Variants in RXFP1 observed in about 807,000 individuals in gnomAD.
The protein encoded by RXFP1 is relaxin family peptide receptor 1.
RXFP1 carries 73 observed loss-of-function variants against 89.8 expected under a neutral mutation model. The observed-to-expected ratio is 0.81, with a 90% CI of 0.67 to 0.99. The LOEUF is 0.99. RXFP1 is among the 50% of genes least tolerant of loss of function. The pLI is 0.00. For missense variants in RXFP1, 793 were observed against 895.5 expected (o/e 0.89, Z 1.46); for synonymous variants, 277 against 305.5 (o/e 0.91, Z 0.97).
intron 11 of RXFP1, 54 bp from the exon 12 acceptor site, chr4:158,633,351 C>A: frequency 1.7e-6 from 2 of 1,154,996 alleles, no homozygotes; most frequent in Non-Finnish European, 2.6e-6. Flanking sequence ...AATTTCAGAA[C>A]AATGAGTAAA....
intron 3 of RXFP1, among the ~76,000 whole-genome samples, chr4:158,595,804 C>T (rs1760448597): frequency 6.6e-6 from 1 of 152,148 alleles, no homozygotes; most frequent in Non-Finnish European, 1.5e-5. Context: ...CAATCTGTCT[C>T]AGCATCATGC....
At chr4:158,639,064 G>A (rs1769825317) in intron 13 of RXFP1, among the ~76,000 whole-genome samples, 196 bp from the exon 14 acceptor site, 1 of 152,058 alleles carries the variant, frequency 6.6e-6, no homozygotes, top group African/African-American at 2.4e-5. Flanking sequence ...AATCAAATAA[G>A]GAAGATAATA....
chr4:158,631,947 GC>G (rs1285163253), intron 11 of RXFP1, among the ~76,000 whole-genome samples: 1 of 152,110 alleles, frequency 6.6e-6, no homozygotes, highest in Non-Finnish European at 1.5e-5. Context: ...ACAAAGATTA[GC>G]TGGGCATGGT....
At chr4:158,634,151 G>A (rs1228945592) in intron 12 of RXFP1, among the ~76,000 whole-genome samples, 1 of 151,938 alleles carries the variant, frequency 6.6e-6, no homozygotes, top group Non-Finnish European at 1.5e-5. Context: ...AGTATACTAG[G>A]GTTTCCATTT....
chr4:158,544,114 A>G (rs1747569437), intron 1 of RXFP1: 1 of 980,468 alleles, frequency 1.0e-6, no homozygotes, highest in South Asian at 4.7e-5. Flanking sequence ...TATTTTTTTA[A>G]TTTACTTCCT....
At chr4:158,541,495 CT>C (rs1746623865) in intron 1 of RXFP1, among the ~76,000 whole-genome samples, 1 of 151,934 alleles carries the variant, frequency 6.6e-6, no homozygotes, top group Non-Finnish European at 1.5e-5. Flanking sequence ...AACTTGGAAA[CT>C]ATTTCAGCTC....
chr4:158,542,079 CTATATA>C (rs1553993932), intron 1 of RXFP1, among the ~76,000 whole-genome samples: 1 of 29,854 alleles, frequency 3.3e-5, no homozygotes, highest in African/African-American at 9.3e-5. Context: ...GCCACCATGG[CTATATA>C]TATATATATA....
At chr4:158,554,768 C>T (rs6815429) in intron 1 of RXFP1, among the ~76,000 whole-genome samples, 8,191 of 151,414 alleles carry the variant, frequency 0.054, 707 homozygotes, top group African/African-American at 0.18. Context: ...CGTAAAAGGA[C>T]TTCAAATGCT....
chr4:158,652,229 A>G lies in RXFP1; in HGVS notation c.*174A>G, dbSNP rs886310713. The G allele has an allele frequency of 5.4e-6, 3 of 552,932 alleles. No individual in the cohort carries two copies. The African/African-American group carries it at 5.7e-5, about 10-fold the overall frequency. The allele number at this position is 552,932 out of a possible 1,614,324, so 34.3% of individuals were successfully genotyped here. ...AATGCTCTTACAAAGGGAAGTAATT[A>G]TATCAATAATGTATATATATTAGTA... On this transcript the variant is annotated 3_prime_UTR_variant, in exon 18 of 18. Transcript: ENST00000307765.
intron 1 of RXFP1, chr4:158,543,862 C>A: frequency 1.0e-6 from 1 of 985,314 alleles, no homozygotes; most frequent in Non-Finnish European, 1.2e-6. Flanking sequence ...GAGTGGCATG[C>A]CAAATTTGCC....
chr4:158,576,723 G>A (rs1410842982), intron 2 of RXFP1, among the ~76,000 whole-genome samples: 3 of 151,888 alleles, frequency 2.0e-5, no homozygotes, highest in Admixed American at 1.3e-4. Flanking sequence ...TAGGAAAACC[G>A]GTATGCTAGT....
chr4:158,572,398 C>T (rs960543616), intron 1 of RXFP1, among the ~76,000 whole-genome samples: 1 of 151,936 alleles, frequency 6.6e-6, no homozygotes, highest in Non-Finnish European at 1.5e-5. Context: ...TTGTAGAAGA[C>T]GGTAATTGGA....
chr4:158,601,805 T>A (rs1308785890), intron 4 of RXFP1, among the ~76,000 whole-genome samples: 3 of 152,228 alleles, frequency 2.0e-5, no homozygotes, highest in African/African-American at 4.8e-5. Context: ...GGGATTTTTT[T>A]AAGACATTTC....
At chr4:158,604,176 G>T (rs947080546) in intron 4 of RXFP1, among the ~76,000 whole-genome samples, 1 of 151,948 alleles carries the variant, frequency 6.6e-6, no homozygotes, top group Non-Finnish European at 1.5e-5. Flanking sequence ...AGTGCTTATT[G>T]TATAAAACTG....
intron 9 of RXFP1, among the ~76,000 whole-genome samples, chr4:158,618,399 A>G (rs1432234378): frequency 6.6e-6 from 1 of 152,116 alleles, no homozygotes; most frequent in Non-Finnish European, 1.5e-5. Flanking sequence ...TATACTTCAG[A>G]TAAACATCAA....
intron 9 of RXFP1, among the ~76,000 whole-genome samples, chr4:158,623,269 C>T (rs1041166832): frequency 6.0e-5 from 9 of 149,724 alleles, no homozygotes; most frequent in Admixed American, 3.4e-4. Context: ...GAGGCCCAGG[C>T]GGGTGGATCA....
At chr4:158,557,316 T>A (rs1305679826) in intron 1 of RXFP1, among the ~76,000 whole-genome samples, 1 of 152,202 alleles carries the variant, frequency 6.6e-6, no homozygotes, top group Non-Finnish European at 1.5e-5. Flanking sequence ...TAACTAATAA[T>A]TTAGGTTTGT....
chr4:158,629,466 T>C (rs1767592342), intron 11 of RXFP1, among the ~76,000 whole-genome samples: 1 of 152,192 alleles, frequency 6.6e-6, no homozygotes, highest in Non-Finnish European at 1.5e-5. Context: ...AATGACATAA[T>C]TCTAAAGGGC....
intron 2 of RXFP1, among the ~76,000 whole-genome samples, chr4:158,584,356 C>A (rs1757899623): frequency 6.6e-6 from 1 of 151,880 alleles, no homozygotes; most frequent in Non-Finnish European, 1.5e-5. Context: ...ATTGCTTGAA[C>A]CTGGGAGGTG....
Sources: allele counts gnomAD v4.1 joint callset (sites outside exome capture counted in the v4.1 genomes callset), GRCh38; gene constraint gnomAD v4.1.1; transcripts MANE v1.5; gene names NCBI Gene and HGNC (gene_info 2026-07-23, HGNC 2026-07-21).